PTPRD: variants seen among roughly 807,000 people sequenced by gnomAD.
The protein encoded by PTPRD is protein tyrosine phosphatase receptor type D.
In PTPRD, 34 loss-of-function variants were observed where a neutral mutation model predicts 214.5. That is an observed-to-expected ratio of 0.16 (90% CI 0.12 to 0.21). The LOEUF is 0.21. PTPRD is among the 10% of genes least tolerant of loss of function. The pLI is 1.00. For synonymous variants in PTPRD, 1,128 were observed against 845.7 expected (o/e 1.33, Z -5.79); for missense variants, 2,545 against 2,398.7 (o/e 1.06, Z -1.27).
At chr9:9,336,190 C>CTTTTTTTTTTTTTTTTTTTTTTTTT (rs2044399459) in intron 9 of PTPRD, among the ~76,000 whole-genome samples, 2 of 151,848 alleles carry the variant, frequency 1.3e-5, no homozygotes, top group African/African-American at 4.9e-5. Flanking sequence ...ATGTATCTTT[C>CTTTTTTTTTTTTTTTTTTTTTTTTT]TAAAGCTACT....
Position 8,770,678 on chromosome 9 carries a change from C to T in PTPRD, c.-103-36732G>A, listed in dbSNP as rs7031704. On this transcript the variant is annotated intron_variant, in intron 11 of 45. Transcript: ENST00000381196. ...GACCTTTTTTTAAATTAAATACTTT[C>T]GTGGAAATATATATTGTATGTTTTA... Among the ~76,000 whole-genome samples, 16 of 151,960 alleles carry T rather than the reference C, an allele frequency of 1.1e-4. 1 individual carries two copies. Among genetic ancestry groups the T allele is most frequent in the Non-Finnish European group, 4.4e-5 (3 of 68,006 alleles).
chr9:9,838,592 C>T (rs140758856), intron 5 of PTPRD, among the ~76,000 whole-genome samples: 1 of 152,128 alleles, frequency 6.6e-6, no homozygotes, highest in Non-Finnish European at 1.5e-5. Context: ...TGTTCATGTC[C>T]TTCACCCACT....
intron 8 of PTPRD, among the ~76,000 whole-genome samples, chr9:9,526,708 G>T (rs1474257823): frequency 6.6e-6 from 1 of 152,076 alleles, no homozygotes; most frequent in African/African-American, 2.4e-5. Context: ...TTCTAAGAAA[G>T]ATATAATTAA....
intron 7 of PTPRD, among the ~76,000 whole-genome samples, chr9:9,659,291 G>A (rs1049534188): frequency 6.6e-5 from 10 of 152,042 alleles, no homozygotes; most frequent in Non-Finnish European, 1.0e-4. Flanking sequence ...TATTTCCACA[G>A]GCAGTTGTTT....
intron 12 of PTPRD, among the ~76,000 whole-genome samples, chr9:8,698,004 G>C (rs28420206): frequency 0.052 from 7,918 of 152,182 alleles, 365 homozygotes; most frequent in East Asian, 0.11. Context: ...GTCATTCACA[G>C]TCCTCTGTAG....
At chr9:10,561,774 G>A (rs2064034430) in intron 2 of PTPRD, among the ~76,000 whole-genome samples, 1 of 151,998 alleles carries the variant, frequency 6.6e-6, no homozygotes, top group South Asian at 2.1e-4. Context: ...ATGAAGAACC[G>A]AGATTACATG....
intron 2 of PTPRD, among the ~76,000 whole-genome samples, chr9:10,581,424 C>T (rs1350258525): frequency 6.6e-6 from 1 of 152,170 alleles, no homozygotes; most frequent in Non-Finnish European, 1.5e-5. Flanking sequence ...TATAACCAAA[C>T]AATTTAAACC....
intron 8 of PTPRD, among the ~76,000 whole-genome samples, chr9:9,512,643 C>T (rs1020828816): frequency 1.2e-4 from 18 of 151,694 alleles, no homozygotes; most frequent in Non-Finnish European, 2.4e-4. Flanking sequence ...CTTGTATTCA[C>T]AGGAGATTCT....
chr9:9,822,386 G>C (rs2153576882), intron 5 of PTPRD, among the ~76,000 whole-genome samples: 1 of 150,084 alleles, frequency 6.7e-6, no homozygotes, highest in South Asian at 2.1e-4. Context: ...ATTCCAGCCT[G>C]GTGACAGAGC....
chr9:9,591,302 A>T (rs1212320752), intron 7 of PTPRD, among the ~76,000 whole-genome samples: 4 of 152,034 alleles, frequency 2.6e-5, no homozygotes, highest in African/African-American at 9.7e-5. Flanking sequence ...ACCAAAGACC[A>T]TACCAGATGA....
At chr9:8,470,939 G>A (rs2134920623) in intron 31 of PTPRD, 56 bp downstream of exon 31, 2 of 1,495,940 alleles carry the variant, frequency 1.3e-6, no homozygotes, top group African/African-American at 1.4e-5. Context: ...GAGGGGGGCG[G>A]AAATGCAGCA....
chr9:8,556,979 A>G (rs146628528), intron 14 of PTPRD, among the ~76,000 whole-genome samples: 196 of 152,312 alleles, frequency 1.3e-3, no homozygotes, highest in African/African-American at 4.5e-3. Flanking sequence ...ATAAATTAAT[A>G]CAATATTGGC....
At chr9:8,704,790 G>A (rs1239413600) in intron 12 of PTPRD, among the ~76,000 whole-genome samples, 3 of 151,830 alleles carry the variant, frequency 2.0e-5, no homozygotes. Context: ...GTGTGGTGGT[G>A]TGTGCACCTG....
intron 5 of PTPRD, among the ~76,000 whole-genome samples, chr9:9,849,527 G>C (rs926326075): frequency 2.0e-5 from 3 of 152,016 alleles, no homozygotes; most frequent in African/African-American, 4.8e-5. Context: ...TCCATTCCAA[G>C]TTTTGAAAAG....
intron 3 of PTPRD, among the ~76,000 whole-genome samples, chr9:10,288,591 G>C (rs1379479611): frequency 4.6e-5 from 7 of 152,134 alleles, no homozygotes; most frequent in Admixed American, 4.6e-4. Context: ...GGATCCTCTA[G>C]AGGCCAGGAA....
At position 8,460,400 on chromosome 9, in the gene PTPRD, G is replaced by A. The variant is rs774366967; in HGVS notation, c.3875+11C>T. ...CTCCAAAATTACAACAGAAATATTG[G>A]GCAAACCTACCTTTTATAAAGAAGA... On this transcript the variant is annotated intron_variant, in intron 33 of 45. Coordinates refer to ENST00000381196, the MANE Select transcript of PTPRD (RefSeq NM_002839.4). 7.5e-6 allele frequency: 12 copies of A among 1,610,546 alleles called. No individual in the cohort carries two copies. In the Admixed American group the frequency reaches 1.7e-4, roughly 23 times the overall value.
intron 11 of PTPRD, among the ~76,000 whole-genome samples, chr9:8,973,428 G>C (rs906964076): frequency 6.6e-6 from 1 of 152,014 alleles, no homozygotes; most frequent in African/African-American, 2.4e-5. Context: ...GTATTCCACA[G>C]TACATATGTA....
chr9:8,471,139 GAT>G, intron 30 of PTPRD, 54 bp from the exon 31 acceptor site: 1 of 1,469,026 alleles, frequency 6.8e-7, no homozygotes, highest in African/African-American at 1.4e-5. Context: ...GGAAAACGTG[GAT>G]ATACCCTTAA....
chr9:9,968,636 G>C (rs2094877030), intron 4 of PTPRD, among the ~76,000 whole-genome samples: 1 of 152,068 alleles, frequency 6.6e-6, no homozygotes. Context: ...TAGGCTTCCT[G>C]ATCAAGTTGT....
Sources: allele counts gnomAD v4.1 joint callset (sites outside exome capture counted in the v4.1 genomes callset), GRCh38; gene constraint gnomAD v4.1.1; transcripts MANE v1.5; gene names NCBI Gene and HGNC (gene_info 2026-07-23, HGNC 2026-07-21).